Variants in LRRIQ1 observed in about 807,000 individuals in gnomAD.
The protein encoded by LRRIQ1 is leucine-rich repeat- and IQ domain-containing protein 1.
Under a neutral mutation model 211.9 loss-of-function variants are expected in LRRIQ1, and 210 were observed. That is an observed-to-expected ratio of 0.99 (90% confidence interval 0.89 to 1.11). The LOEUF (loss-of-function observed/expected upper bound fraction) is 1.11. LRRIQ1 is among the 50% of genes most tolerant of loss of function. The pLI is 0.00. For missense variants in LRRIQ1, 2,136 were observed against 1,939.5 expected, an observed-to-expected ratio of 1.10 and a Z score of -1.90; for synonymous variants, 699 against 650.1, an observed-to-expected ratio of 1.08 and a Z score of -1.14.
intron 15 of LRRIQ1, among the ~76,000 whole-genome samples, chr12:85,110,882 A>G (rs1299907841): frequency 2.0e-5 from 3 of 152,104 alleles, no homozygotes; most frequent in Non-Finnish European, 4.4e-5. Context: ...TACAGTGGTC[A>G]GAGAATAGAC....
At chr12:85,258,093 G>A (rs1896174258) in intron 1 of LRRIQ1, among the ~76,000 whole-genome samples, 1 of 151,784 alleles carries the variant, frequency 6.6e-6, no homozygotes, top group South Asian at 2.1e-4. Context: ...CCAACCCAAT[G>A]TGATATGTAT....
At chr12:85,205,335 A>T (rs568503401) in intron 24 of LRRIQ1, among the ~76,000 whole-genome samples, 1 of 152,270 alleles carries the variant, frequency 6.6e-6, no homozygotes, top group East Asian at 1.9e-4. Context: ...TCTGAAAAAT[A>T]TTTTATTTCT....
intron 15 of LRRIQ1, among the ~76,000 whole-genome samples, chr12:85,113,669 T>G (rs181284864): frequency 5.1e-4 from 77 of 152,248 alleles, no homozygotes; most frequent in Admixed American, 4.9e-3. Context: ...AATTTTACAT[T>G]AGTGATTAGA....
intron 11 of LRRIQ1, among the ~76,000 whole-genome samples, chr12:85,075,878 C>G (rs958248777): frequency 8.6e-5 from 13 of 151,764 alleles, no homozygotes; most frequent in Non-Finnish European, 1.5e-5. Context: ...AATTCTGACC[C>G]CACCAGATAA....
downstream of LRRIQ1, among the ~76,000 whole-genome samples, chr12:85,248,489 C>A (rs1327435060): frequency 1.3e-5 from 2 of 151,576 alleles, no homozygotes; most frequent in Admixed American, 1.3e-4. Flanking sequence ...GAGTGGTTTT[C>A]AGGTGTCTCC....
rs902387843 is a variant in LRRIQ1, at chr12:85,153,160, T to G, written c.4541+15T>G. ...TTTAATAGCAGGTAAGCTAAACTAT[T>G]GTTTTAGAGAATCAACTTGTGAATG... is the stretch of plus-strand genomic sequence containing the variant. On this transcript the variant is annotated intron_variant, in intron 21 of 26. Transcript: ENST00000393217. 4 of 1,576,078 alleles carry G rather than the reference T, an allele frequency of 2.5e-6. No individual in the cohort carries two copies. The African/African-American group carries it at 5.5e-5, about 22-fold the overall frequency.
At chr12:85,236,364 T>C (rs1195747038) in intron 26 of LRRIQ1, among the ~76,000 whole-genome samples, 1 of 152,076 alleles carries the variant, frequency 6.6e-6, no homozygotes, top group Non-Finnish European at 1.5e-5. Flanking sequence ...GAGCTTAATA[T>C]CTAAATACAG....
intron 23 of LRRIQ1, 26 bp from the exon 24 acceptor site, chr12:85,160,587 G>A (rs1298744874): frequency 7.1e-7 from 1 of 1,404,152 alleles, no homozygotes; most frequent in Non-Finnish European, 1.0e-6. Flanking sequence ...GATGAACTCT[G>A]CTCCTTTCTT....
the LRRIQ1 span, among the ~76,000 whole-genome samples, chr12:85,270,570 C>T: frequency 6.6e-6 from 1 of 152,084 alleles, no homozygotes; most frequent in Admixed American, 6.5e-5. Context: ...ATAGTTGAAT[C>T]TGTTTCTGCT....
intron 24 of LRRIQ1, among the ~76,000 whole-genome samples, chr12:85,209,641 A>T (rs529754333): frequency 6.6e-6 from 1 of 152,358 alleles, no homozygotes; most frequent in East Asian, 1.9e-4. Flanking sequence ...AACACTGATT[A>T]GGAGCTCTAG....
At chr12:85,036,910 C>T (rs1878181089) in intron 1 of LRRIQ1, among the ~76,000 whole-genome samples, 2 of 151,998 alleles carry the variant, frequency 1.3e-5, no homozygotes, top group South Asian at 2.1e-4. Flanking sequence ...TTTAATGTAG[C>T]CCATTTACAG....
chr12:85,142,798 G>T (rs1030174905), intron 19 of LRRIQ1, among the ~76,000 whole-genome samples: 1 of 151,518 alleles, frequency 6.6e-6, no homozygotes, highest in Admixed American at 6.6e-5. Context: ...AAATGACCAA[G>T]TTCCCATCTT....
chr12:85,141,751 T>C (rs2136585534), intron 19 of LRRIQ1, among the ~76,000 whole-genome samples: 1 of 151,458 alleles, frequency 6.6e-6, no homozygotes, highest in African/African-American at 2.4e-5. Flanking sequence ...TTAGACTGTT[T>C]TAATTGATTT....
chr12:85,106,286 G>C (rs528194779), intron 14 of LRRIQ1, among the ~76,000 whole-genome samples: 1 of 152,068 alleles, frequency 6.6e-6, no homozygotes, highest in Admixed American at 6.6e-5. Flanking sequence ...ATATGAACCC[G>C]AATTGTAAAG....
chr12:85,152,199 G>A (rs931363045), intron 19 of LRRIQ1, 81 bp from the exon 20 acceptor site: 40 of 1,126,188 alleles, frequency 3.6e-5, no homozygotes, highest in Non-Finnish European at 5.0e-5. Flanking sequence ...GTCAACATTT[G>A]TAGTCTATAA....
intron 26 of LRRIQ1, among the ~76,000 whole-genome samples, chr12:85,239,216 T>A (rs919560742): frequency 1.8e-4 from 28 of 151,934 alleles, no homozygotes; most frequent in African/African-American, 6.8e-4. Context: ...TTGGTAGAAA[T>A]GTACACACTG....
At chr12:85,097,676 T>C (rs1049203433) in intron 11 of LRRIQ1, among the ~76,000 whole-genome samples, 31 of 152,100 alleles carry the variant, frequency 2.0e-4, no homozygotes, top group African/African-American at 6.8e-4. Flanking sequence ...TTAAAGAACA[T>C]TTTCTAGATT....
chr12:85,181,320 T>G (rs997108324), intron 24 of LRRIQ1, among the ~76,000 whole-genome samples: 1 of 151,956 alleles, frequency 6.6e-6, no homozygotes, highest in Admixed American at 6.6e-5. Context: ...AAACCAACCC[T>G]TCTAGAATTG....
rs368290216 is a variant in LRRIQ1, at chr12:85,073,011, A to G, written c.2800A>G (p.Thr934Ala). The change falls in exon 11 of 27, where the codon ACT (threonine) becomes GCT (alanine). Residue 934 changes from threonine (T) to alanine (A), a missense_variant. Transcript: ENST00000393217. ...ATCCCTGGCACAAGTCTGGATTCCA[A>G]CTGGATTATGTTGGTCCTGGATACC... ...YLSLAQVWIPTGLCWSWIPIT... is the reference protein window; with the variant it reads ...YLSLAQVWIPAGLCWSWIPIT... The G allele has an allele frequency of 3.7e-6, 6 of 1,612,706 alleles. No homozygotes were observed. In the African/African-American group the frequency reaches 4.0e-5, roughly 11 times the overall value.
Sources: allele counts gnomAD v4.1 joint callset (sites outside exome capture counted in the v4.1 genomes callset), GRCh38; gene constraint gnomAD v4.1.1; transcripts MANE v1.5; gene names NCBI Gene and HGNC (gene_info 2026-07-23, HGNC 2026-07-21).